Variants in BIRC2 observed in about 807,000 individuals in gnomAD.
The protein encoded by BIRC2 is baculoviral IAP repeat containing 2.
In BIRC2, 18 loss-of-function variants were observed where a neutral mutation model predicts 60.9. The ratio of observed to expected loss-of-function variants is 0.30; its 90% confidence interval spans 0.20 to 0.44. The LOEUF is 0.44. BIRC2 is among the 20% of genes least tolerant of loss of function. The probability of loss-of-function intolerance (pLI) is 1.00; values close to 1 mark genes in which losing one functional copy is unlikely to be tolerated. For synonymous variants in BIRC2, 282 were observed against 247.7 expected, an observed-to-expected ratio of 1.14 and a Z score of -1.30; for missense variants, 701 against 728.5, an observed-to-expected ratio of 0.96 and a Z score of 0.43.
chr11:102,374,062 C>T (rs1160962106), intron 6 of BIRC2, among the ~76,000 whole-genome samples: 4 of 141,830 alleles, frequency 2.8e-5, no homozygotes, highest in African/African-American at 8.0e-5. Flanking sequence ...TCTAGTTATA[C>T]ATTCTTCTAA....
intron 3 of BIRC2, among the ~76,000 whole-genome samples, chr11:102,361,779 C>A (rs1277667655): frequency 3.3e-5 from 5 of 151,868 alleles, no homozygotes; most frequent in African/African-American, 9.7e-5. Context: ...TGTTCTTAGC[C>A]ATCTCCAGAT....
chr11:102,372,518 T>C lies in BIRC2; in HGVS notation c.1366+3970T>C, dbSNP rs148716855. ...ATCCTGAGTTCTAGTTTGATTGCAC[T>C]GTGGTCTGAGAGATAGTTTGTTATA... On this transcript the variant is annotated intron_variant, in intron 6 of 8. Transcript: ENST00000227758. Among the ~76,000 whole-genome samples the C allele has an allele frequency of 7.1e-3, 1,077 of 152,220 alleles. 13 individuals are homozygous for C. The highest frequency in any genetic ancestry group is 0.024 in the African/African-American group (988 of 41,516).
intron 5 of BIRC2, among the ~76,000 whole-genome samples, chr11:102,364,263 T>G (rs1951527650): frequency 6.7e-6 from 1 of 149,270 alleles, no homozygotes; most frequent in South Asian, 2.1e-4. Flanking sequence ...GTTTTTGTTC[T>G]AGTGCTATAC....
chr11:102,364,075 A>G lies in BIRC2; in HGVS notation c.1123+359A>G, dbSNP rs556138869. 1.4e-3 allele frequency among the ~76,000 whole-genome samples: 206 copies of G among 146,530 alleles called. 2 individuals are homozygous for G. Among genetic ancestry groups the G allele is most frequent in the African/African-American group, 4.8e-3 (189 of 39,694 alleles). Reference sequence around the variant, plus strand: ...CAAAAAAAAAGGTAGGAATGAAAGTATGTATTTTTTAAAAGAGTTTCTGAA... The same window carrying G: ...CAAAAAAAAAGGTAGGAATGAAAGTGTGTATTTTTTAAAAGAGTTTCTGAA... On this transcript the variant is annotated intron_variant, in intron 5 of 8. Transcript: ENST00000227758.
intron 3 of BIRC2, among the ~76,000 whole-genome samples, chr11:102,352,106 T>G (rs911664171): frequency 2.9e-5 from 4 of 136,254 alleles, no homozygotes; most frequent in African/African-American, 1.1e-4. Context: ...CTTTCTCTTT[T>G]TTTTTTTTTT....
In BIRC2 at chr11:102,350,384, A is replaced by G. The variant is rs372125025; in HGVS notation, c.530A>G (p.Tyr177Cys). Residue 177 changes from tyrosine to cysteine, a missense_variant, in exon 2 of 9, where the codon TAC becomes TGC. Tyr to Cys is a radical substitution (Grantham distance 194). This residue lies in a region of BIRC2 where 375 missense variants were observed against 365.9 expected (regional missense o/e 1.02). Coordinates refer to ENST00000227758, the MANE Select transcript of BIRC2 (RefSeq NM_001166.5). ...EDISSSRTNPYSYAMSTEEAR... is the reference protein window; with the variant it reads ...EDISSSRTNPCSYAMSTEEAR... Reference sequence around the variant, plus strand: ...ATCTCTTCATCGAGGACTAACCCCTACAGTTATGCAATGAGTACTGAAGAA... The same window carrying G: ...ATCTCTTCATCGAGGACTAACCCCTGCAGTTATGCAATGAGTACTGAAGAA... The G allele has an allele frequency of 1.2e-5, 19 of 1,614,204 alleles. No homozygotes were observed. The highest frequency in any genetic ancestry group is 6.7e-5 in the Admixed American group (4 of 60,020).
intron 3 of BIRC2, among the ~76,000 whole-genome samples, chr11:102,353,514 C>T (rs931285410): frequency 1.3e-5 from 2 of 151,726 alleles, no homozygotes; most frequent in African/African-American, 2.4e-5. Context: ...GACGCAGTTT[C>T]GCTATGTTGG....
At chr11:102,362,316 G>C (rs1951493528) in intron 3 of BIRC2, among the ~76,000 whole-genome samples, 1 of 152,088 alleles carries the variant, frequency 6.6e-6, no homozygotes, top group Non-Finnish European at 1.5e-5. Context: ...AAAAGGAATA[G>C]AATAGATATA....
In BIRC2 at chr11:102,350,237, C is replaced by G; in HGVS notation, c.383C>G (p.Thr128Arg). Residue 128 changes from threonine (T) to arginine (R), a missense_variant, in exon 2 of 9, where the codon ACG becomes AGG. This residue lies in a region of BIRC2 where 375 missense variants were observed against 365.9 expected (regional missense o/e 1.02). Coordinates refer to ENST00000227758, the MANE Select transcript of BIRC2 (RefSeq NM_001166.5). ...AGTCTGGGATCCACCTCTAAGAATA[C>G]GTCTCCAATGAGAAACAGTTTTGCA... ...SASLGSTSKN[T>R]SPMRNSFAHS... The G allele has an allele frequency of 6.2e-7, 1 of 1,614,194 alleles. No individual in the cohort carries two copies. Among genetic ancestry groups the G allele is most frequent in the Non-Finnish European group, 8.5e-7 (1 of 1,180,030 alleles).
chr11:102,372,160 C>CT (rs1951639936), intron 6 of BIRC2, among the ~76,000 whole-genome samples: 1 of 152,116 alleles, frequency 6.6e-6, no homozygotes, highest in Non-Finnish European at 1.5e-5. Flanking sequence ...TTTTGTGTCT[C>CT]TATTTCCTTC....
intron 5 of BIRC2, 109 bp from the exon 6 acceptor site, chr11:102,368,197 C>T (rs568732201): frequency 7.7e-7 from 1 of 1,294,214 alleles, no homozygotes; most frequent in Non-Finnish European, 1.1e-6. Flanking sequence ...TAGCTCATCT[C>T]CTTTACCAGA....
In BIRC2 at chr11:102,350,518, G is replaced by T. The variant is rs766985522; in HGVS notation, c.664G>T (p.Ala222Ser). 1 of 1,614,200 alleles carries T rather than the reference G, an allele frequency of 6.2e-7. No individual in the cohort carries two copies. Among genetic ancestry groups the T allele is most frequent in the South Asian group, 1.1e-5 (1 of 91,082 alleles). Residue 222 changes from alanine (A) to serine (S), a missense_variant, in exon 2 of 9, where the codon GCC becomes TCC. Around this residue, in one of 4 missense-constraint regions of BIRC2, gnomAD observed 375 missense variants for 365.9 expected, o/e 1.02. Coordinates refer to ENST00000227758, the MANE Select transcript of BIRC2 (RefSeq NM_001166.5). Reference protein sequence around the residue: ...IGPGDRVACFACGGKLSNWEP... With the variant: ...IGPGDRVACFSCGGKLSNWEP... ...ACCTGGAGATAGGGTAGCCTGCTTT[G>T]CCTGTGGTGGGAAGCTCAGTAACTG... is the stretch of plus-strand genomic sequence containing the variant.
rs201982932 is a variant in BIRC2, at chr11:102,378,094, G to A, written c.1768G>A (p.Val590Ile). 2.9e-4 allele frequency: 475 copies of A among 1,613,688 alleles called. No homozygotes were observed. The highest frequency in any genetic ancestry group is 3.9e-4 in the Non-Finnish European group (465 of 1,179,822). Residue 590 changes from valine (V) to isoleucine (I), a missense_variant, in exon 9 of 9, where the codon GTA becomes ATA. Coordinates refer to ENST00000227758, the MANE Select transcript of BIRC2 (RefSeq NM_001166.5). ...SVVFIPCGHLVVCQECAPSLR... is the reference protein window; with the variant it reads ...SVVFIPCGHLIVCQECAPSLR... ...TGTATTTATTCCTTGTGGTCATCTG[G>A]TAGTATGCCAGGAATGTGCCCCTTC...
intron 5 of BIRC2, among the ~76,000 whole-genome samples, chr11:102,364,139 T>TTATATATATATATATATATATATATATA (rs371707721): frequency 1.5e-4 from 9 of 61,404 alleles, no homozygotes; most frequent in Admixed American, 4.0e-4. Flanking sequence ...CTAATAAATA[T>TTATATATATATATATATATATATATATA]TATATATATA....
intron 5 of BIRC2, among the ~76,000 whole-genome samples, chr11:102,365,094 C>T (rs1187213019): frequency 1.3e-5 from 2 of 152,148 alleles, no homozygotes; most frequent in African/African-American, 2.4e-5. Flanking sequence ...ATTGCCTCAC[C>T]AGCAAAACCA....
At chr11:102,353,087 C>T (rs1445568497) in intron 3 of BIRC2, among the ~76,000 whole-genome samples, 1 of 151,932 alleles carries the variant, frequency 6.6e-6, no homozygotes, top group Non-Finnish European at 1.5e-5. Flanking sequence ...TTTTAAATGA[C>T]TTAATTATGT....
intron 6 of BIRC2, among the ~76,000 whole-genome samples, chr11:102,369,362 T>A (rs1951595625): frequency 7.1e-6 from 1 of 141,114 alleles, no homozygotes. Flanking sequence ...CCCCTTCCTG[T>A]GTCCATGTGA....
At chr11:102,368,141 T>C (rs920179012) in intron 5 of BIRC2, among the ~76,000 whole-genome samples, 165 bp from the exon 6 acceptor site, 1 of 152,192 alleles carries the variant, frequency 6.6e-6, no homozygotes, top group Non-Finnish European at 1.5e-5. Context: ...CATTTGACCA[T>C]TATGAAGTTC....
intron 6 of BIRC2, among the ~76,000 whole-genome samples, chr11:102,376,851 A>G (rs186093462): frequency 6.6e-6 from 1 of 152,314 alleles, no homozygotes; most frequent in Non-Finnish European, 1.5e-5. Flanking sequence ...TTTACAGATG[A>G]GGAAACTGAG....
Sources: allele counts gnomAD v4.1 joint callset (sites outside exome capture counted in the v4.1 genomes callset), GRCh38; gene constraint gnomAD v4.1.1; regional missense constraint gnomAD v4.1.1; transcripts MANE v1.5; gene names NCBI Gene and HGNC (gene_info 2026-07-23, HGNC 2026-07-21).